The following BICD1 variants were observed in gnomAD, a reference collection of about 807,000 sequenced individuals.
BICD1 encodes BICD cargo adaptor 1.
Under a neutral mutation model 92.5 loss-of-function variants are expected in BICD1, and 35 were observed. That is an observed-to-expected ratio of 0.38 (90% CI 0.29 to 0.50). The LOEUF (loss-of-function observed/expected upper bound fraction) is 0.50. Among genes scored for constraint, BICD1 ranks in the 20% least tolerant of loss-of-function variants. The probability of loss-of-function intolerance (pLI) is 0.93; values close to 1 mark genes in which losing one functional copy is unlikely to be tolerated. For synonymous variants in BICD1, 429 were observed against 465.1 expected, an observed-to-expected ratio of 0.92 and a Z score of 1.00; for missense variants, 950 against 1,189.8, an observed-to-expected ratio of 0.80 and a Z score of 2.97.
Position 32,337,659 on chromosome 12 carries a change from C to T in BICD1, c.2413C>T (p.Arg805Ter), listed in dbSNP as rs1448743194. 6.2e-7 allele frequency: 1 copy of T among 1,614,094 alleles called. No homozygotes were observed. The highest frequency in any genetic ancestry group is 8.5e-7 in the Non-Finnish European group (1 of 1,180,016). ...CTTAGAGTTTGACCATGAGCAGTCC[C>T]GACGCAGCAAAGGCAAACTTGGAAA... is the stretch of plus-strand genomic sequence containing the variant. ...EDLEFDHEQS[R>*]RSKGKLGKSK... is the part of the protein sequence containing the mutation. The change falls in exon 7 of 10, where the codon CGA (arginine) becomes TGA (stop). Residue 805 changes from arginine (R) to a stop codon, truncating the protein, a stop_gained. Coordinates refer to ENST00000652176, the MANE Select transcript of BICD1 (RefSeq NM_001714.4). LOFTEE classifies it high-confidence loss of function. The surrounding 1 kb of genome is among the most constrained non-coding windows in gnomAD (Gnocchi z 4.7).
chr12:32,192,095 C>T (rs1469674400), intron 1 of BICD1, among the ~76,000 whole-genome samples: 5 of 152,220 alleles, frequency 3.3e-5, no homozygotes, highest in African/African-American at 7.2e-5. Flanking sequence ...GGCCAAGAAA[C>T]GTTCTTGAAG....
intron 4 of BICD1, among the ~76,000 whole-genome samples, chr12:32,310,440 A>T (rs1169038224): frequency 6.6e-6 from 1 of 152,190 alleles, no homozygotes; most frequent in African/African-American, 2.4e-5. Context: ...CAGGAGAATG[A>T]AATCCCCCAA....
intron 2 of BICD1, among the ~76,000 whole-genome samples, chr12:32,265,808 G>T (rs937862594): frequency 6.6e-6 from 1 of 151,692 alleles, no homozygotes; most frequent in East Asian, 1.9e-4. Context: ...TTCAGTCTTG[G>T]TCGGCAGTTT....
At chr12:32,252,086 A>AT (rs1946555197) in intron 2 of BICD1, among the ~76,000 whole-genome samples, 26 of 27,014 alleles carry the variant, frequency 9.6e-4, no homozygotes, top group African/African-American at 4.5e-3. Flanking sequence ...ATATATTTAT[A>AT]AATATATATT....
At chr12:32,224,436 G>A (rs899655622) in intron 2 of BICD1, among the ~76,000 whole-genome samples, 7 of 152,174 alleles carry the variant, frequency 4.6e-5, no homozygotes, top group African/African-American at 1.2e-4. Flanking sequence ...AACTTGCAGC[G>A]CATATGCGAT....
chr12:32,333,986 A>G (rs926573517), intron 5 of BICD1, among the ~76,000 whole-genome samples: 3 of 152,238 alleles, frequency 2.0e-5, no homozygotes, highest in East Asian at 1.9e-4. Flanking sequence ...CCTTAAATGT[A>G]TGATAACATG....
chr12:32,336,541 C>T (rs1333870181), intron 6 of BICD1, among the ~76,000 whole-genome samples: 2 of 152,116 alleles, frequency 1.3e-5, no homozygotes, highest in African/African-American at 4.8e-5. Context: ...GTCAAATTGA[C>T]AAGACCAACA....
In BICD1 at chr12:32,328,691, G is replaced by C. The variant is rs1803215951; in HGVS notation, c.2100+136G>C. 2 of 1,208,318 alleles carry C rather than the reference G, an allele frequency of 1.7e-6. No homozygotes were observed. The highest frequency in any genetic ancestry group is 3.2e-5 in the South Asian group (2 of 62,464). 74.8% of individuals were successfully genotyped at this position (1,208,318 alleles called of 1,614,324 possible). A position where few individuals can be genotyped will look rare whatever the true frequency, so the allele number is the denominator to read the frequency against. On this transcript the variant is annotated intron_variant, in intron 5 of 9. Coordinates refer to ENST00000652176, the MANE Select transcript of BICD1 (RefSeq NM_001714.4). The surrounding 1 kb of genome is among the most constrained non-coding windows in gnomAD (Gnocchi z 4.4). ...TAAGTGGATAAATAAAACTGTCCCA[G>C]TGCCAGATCAGAATGTCATAATAAT...
intron 8 of BICD1, among the ~76,000 whole-genome samples, chr12:32,346,800 C>T (rs377613164): frequency 4.0e-5 from 6 of 149,472 alleles, no homozygotes; most frequent in African/African-American, 7.3e-5. Flanking sequence ...CCTAATTTCG[C>T]TAAGGGCTAC....
chr12:32,336,048 C>G (rs991703712), intron 6 of BICD1, among the ~76,000 whole-genome samples: 1 of 152,030 alleles, frequency 6.6e-6, no homozygotes, highest in African/African-American at 2.4e-5. Flanking sequence ...TATAGGAGTC[C>G]CCCAGAAACT....
At chr12:32,342,869 G>T (rs2136289305) in intron 8 of BICD1, among the ~76,000 whole-genome samples, 1 of 152,220 alleles carries the variant, frequency 6.6e-6, no homozygotes, top group Non-Finnish European at 1.5e-5. Flanking sequence ...CAACTATAGG[G>T]TGAGGCACTG....
chr12:32,186,246 A>G lies in BICD1; in HGVS notation c.214-30001A>G, dbSNP rs151242737. On this transcript the variant is annotated intron_variant, in intron 1 of 9. Coordinates refer to ENST00000652176, the MANE Select transcript of BICD1 (RefSeq NM_001714.4). ...CATTTACTAGAGTGGTGTACATTCA[A>G]TAGTGAGGTGGCCACATACAACATA... 3.2e-3 allele frequency among the ~76,000 whole-genome samples: 485 copies of G among 152,324 alleles called. 5 individuals are homozygous for G. Among genetic ancestry groups the G allele is most frequent in the African/African-American group, 0.011 (448 of 41,566 alleles).
intron 1 of BICD1, among the ~76,000 whole-genome samples, chr12:32,160,681 T>C (rs1251543325): frequency 6.6e-6 from 1 of 152,242 alleles, no homozygotes; most frequent in Non-Finnish European, 1.5e-5. Context: ...TTCTGTCTTA[T>C]ATTCATTCAT....
intron 2 of BICD1, among the ~76,000 whole-genome samples, chr12:32,220,490 A>G (rs1233241168): frequency 6.6e-6 from 1 of 152,076 alleles, no homozygotes; most frequent in Non-Finnish European, 1.5e-5. Context: ...AACACATGAA[A>G]AAATGCTCAC....
intron 2 of BICD1, among the ~76,000 whole-genome samples, chr12:32,273,666 A>T (rs1198921365): frequency 6.6e-6 from 1 of 152,244 alleles, no homozygotes; most frequent in Non-Finnish European, 1.5e-5. Flanking sequence ...TTTAAATAAC[A>T]TAGTAGAAAT....
intron 1 of BICD1, among the ~76,000 whole-genome samples, chr12:32,170,837 A>G (rs971874582): frequency 6.6e-6 from 1 of 152,186 alleles, no homozygotes; most frequent in South Asian, 2.1e-4. Flanking sequence ...GATGGAGGTC[A>G]GGAAAGCTGC....
intron 5 of BICD1, among the ~76,000 whole-genome samples, chr12:32,329,292 T>G (rs1937723899): frequency 6.6e-6 from 1 of 151,894 alleles, no homozygotes; most frequent in Non-Finnish European, 1.5e-5. Context: ...AGACAGAATT[T>G]CACCATATTG....
At chr12:32,229,740 G>A (rs542378457) in intron 2 of BICD1, among the ~76,000 whole-genome samples, 81 of 152,316 alleles carry the variant, frequency 5.3e-4, no homozygotes, top group African/African-American at 1.9e-3. Flanking sequence ...CCAAAGAAAT[G>A]AGGAGGTAGC....
At chr12:32,346,536 GTATATATATATATATATATA>G (rs59893108) in intron 8 of BICD1, among the ~76,000 whole-genome samples, 647 of 24,126 alleles carry the variant, frequency 0.027, 104 homozygotes, top group African/African-American at 0.045. Context: ...ATATATACGT[GTATATATATATATATATATA>G]TATATATATA....
Sources: allele counts gnomAD v4.1 joint callset (sites outside exome capture counted in the v4.1 genomes callset), GRCh38; gene constraint gnomAD v4.1.1; non-coding constraint Gnocchi (gnomAD v3.1); transcripts MANE v1.5; gene names NCBI Gene and HGNC (gene_info 2026-07-23, HGNC 2026-07-21).